The following CUX2 variants were observed in gnomAD, a reference collection of about 807,000 sequenced individuals.
The protein encoded by CUX2 is cut like homeobox 2.
In CUX2, 40 loss-of-function variants were observed where a neutral mutation model predicts 144.8. That is an observed-to-expected ratio of 0.28 (90% CI 0.21 to 0.36). CUX2 has a LOEUF of 0.36. Ranked by LOEUF, CUX2 falls within the 10% of genes least tolerant of loss-of-function variation. The pLI is 1.00. For synonymous variants in CUX2, 827 were observed against 875.6 expected, an observed-to-expected ratio of 0.94 and a Z score of 0.98; for missense variants, 1,615 against 1,994.0, an observed-to-expected ratio of 0.81 and a Z score of 3.62.
intron 1 of CUX2, among the ~76,000 whole-genome samples, chr12:111,105,813 A>G (rs1023548855): frequency 6.6e-6 from 1 of 152,082 alleles, no homozygotes; most frequent in Non-Finnish European, 1.5e-5. Flanking sequence ...GAATTTCTCT[A>G]ATGGTAATTC....
At chr12:111,177,083 G>C (rs1404539784) in intron 1 of CUX2, among the ~76,000 whole-genome samples, 3 of 152,148 alleles carry the variant, frequency 2.0e-5, no homozygotes, top group Non-Finnish European at 4.4e-5. Context: ...GAGAACCACT[G>C]TTCTAGAGTT....
intron 18 of CUX2, among the ~76,000 whole-genome samples, chr12:111,323,527 C>T (rs1384578849): frequency 6.6e-6 from 1 of 152,218 alleles, no homozygotes; most frequent in Non-Finnish European, 1.5e-5. Flanking sequence ...CATGGGGGCT[C>T]ACGCCTGTAA....
intron 1 of CUX2, among the ~76,000 whole-genome samples, chr12:111,127,995 GT>G (rs1592921753): frequency 1.3e-5 from 2 of 152,284 alleles, no homozygotes; most frequent in East Asian, 3.9e-4. Flanking sequence ...ACAATTCAAG[GT>G]GAGATTTGGG....
rs1429503343 is a variant in CUX2, at chr12:111,255,660, C to T, written c.223-8101C>T. On this transcript the variant is annotated intron_variant, in intron 3 of 21. Coordinates refer to ENST00000261726, the MANE Select transcript of CUX2 (RefSeq NM_015267.4). This position sits in a 1 kb window ranked among gnomAD's most constrained non-coding sequence, Gnocchi z 4.1. Reference sequence around the variant, plus strand: ...CATGTGGCCATCACCCTCTGTGCCTCGACATCTTCATCTGTTAAATGGGAT... The same window carrying T: ...CATGTGGCCATCACCCTCTGTGCCTTGACATCTTCATCTGTTAAATGGGAT... Among the ~76,000 whole-genome samples, 2 of 152,170 alleles carry T rather than the reference C, an allele frequency of 1.3e-5. No individual in the cohort carries two copies. The highest frequency in any genetic ancestry group is 2.9e-5 in the Non-Finnish European group (2 of 68,026).
At chr12:111,345,766 GA>G (rs1035606332) in intron 21 of CUX2, among the ~76,000 whole-genome samples, 159 of 142,840 alleles carry the variant, frequency 1.1e-3, no homozygotes, top group African/African-American at 3.7e-3. Flanking sequence ...TCACGAAAAA[GA>G]AAAAAAAAGG....
In CUX2 at chr12:111,304,220, C is replaced by T; in HGVS notation, c.764C>T (p.Ala255Val). 6.2e-7 allele frequency: 1 copy of T among 1,613,242 alleles called. No individual in the cohort carries two copies. Among genetic ancestry groups the T allele is most frequent in the South Asian group, 1.1e-5 (1 of 90,762 alleles). ...TCCCCTTCTCCCCAGCGAGCTGAGG[C>T]TGCCCAGCGGGAGGTGGAAAGTCTC... ...NLEKANQRAE[A>V]AQREVESLRE... The change falls in exon 10 of 22, where the codon GCT (alanine) becomes GTT (valine). Residue 255 changes from alanine to valine, a missense_variant. Physicochemically the swap from Ala to Val is moderately conservative, Grantham distance 64. Transcript: ENST00000261726. The surrounding 1 kb of genome is among the most constrained non-coding windows in gnomAD (Gnocchi z 4.7).
chr12:111,123,894 A>G (rs573546914), intron 1 of CUX2, among the ~76,000 whole-genome samples: 64 of 152,346 alleles, frequency 4.2e-4, no homozygotes, highest in African/African-American at 1.4e-3. Context: ...CCTTGTATTA[A>G]TAAGGAAACA....
At chr12:111,095,702 C>T (rs1228835881) in intron 1 of CUX2, among the ~76,000 whole-genome samples, 2 of 152,180 alleles carry the variant, frequency 1.3e-5, no homozygotes, top group Non-Finnish European at 2.9e-5. Context: ...AGGTGAAGGA[C>T]TCAGTGTGTG....
At position 111,295,451 on chromosome 12, in the gene CUX2, G is replaced by C. The variant is rs1885922243; in HGVS notation, c.637+42G>C. On this transcript the variant is annotated intron_variant, in intron 7 of 21. Coordinates refer to ENST00000261726, the MANE Select transcript of CUX2 (RefSeq NM_015267.4). The surrounding 1 kb of genome is among the most constrained non-coding windows in gnomAD (Gnocchi z 5.0). ...TGTGGCCTAGAGGGAGGACTGGGAG[G>C]GGACGGTAATGCTGTCAACGAGGGG... 6.4e-7 allele frequency: 1 copy of C among 1,572,962 alleles called. No homozygotes were observed. The highest frequency in any genetic ancestry group is 1.8e-5 in the Admixed American group (1 of 55,414).
At position 111,240,813 on chromosome 12, in the gene CUX2, C is replaced by G. The variant is rs569844477; in HGVS notation, c.222+22876C>G. On this transcript the variant is annotated intron_variant, in intron 3 of 21. Coordinates refer to ENST00000261726, the MANE Select transcript of CUX2 (RefSeq NM_015267.4). The stretch of plus-strand genomic sequence containing the variant: ...TCCTGAAGACATTTGGGTTTTTGCT[C>G]TCTGGAGGAATGGTGGAGTGATTCT... Among the ~76,000 whole-genome samples, 8 of 152,282 alleles carry G rather than the reference C, an allele frequency of 5.3e-5. No homozygotes were observed. In the South Asian group the frequency reaches 1.0e-3, roughly 20 times the overall value.
chr12:111,276,600 T>C (rs527629652), intron 4 of CUX2, among the ~76,000 whole-genome samples: 2 of 152,220 alleles, frequency 1.3e-5, no homozygotes, highest in South Asian at 2.1e-4. Flanking sequence ...AGGGGGGTGA[T>C]AGTGATAGCT....
chr12:111,237,275 G>T (rs1882804017), intron 3 of CUX2, among the ~76,000 whole-genome samples: 1 of 152,242 alleles, frequency 6.6e-6, no homozygotes, highest in South Asian at 2.1e-4. Flanking sequence ...GTAGCGAGCT[G>T]CTGTGCCAGG....
At chr12:111,112,936 G>C (rs557130348) in intron 1 of CUX2, among the ~76,000 whole-genome samples, 1 of 152,350 alleles carries the variant, frequency 6.6e-6, no homozygotes, top group East Asian at 1.9e-4. Context: ...CTGAGCCTCA[G>C]TGCTTGGCAC....
At chr12:111,226,196 G>A (rs999251022) in intron 3 of CUX2, among the ~76,000 whole-genome samples, 1 of 152,090 alleles carries the variant, frequency 6.6e-6, no homozygotes, top group Non-Finnish European at 1.5e-5. Flanking sequence ...CTCCTGCCTC[G>A]GCCTCCCAAA....
rs1876925453 is a variant in CUX2 at position 111,149,878 on chromosome 12, T to A, written c.64-64322T>A. 2.0e-5 allele frequency among the ~76,000 whole-genome samples: 3 copies of A among 152,326 alleles called. No homozygotes were observed. The South Asian group carries it at 6.2e-4, about 32-fold the overall frequency. On this transcript the variant is annotated intron_variant, in intron 1 of 21. Coordinates refer to ENST00000261726, the MANE Select transcript of CUX2 (RefSeq NM_015267.4). ...TACTTGTAGCCTGAACAGTTTTTCA[T>A]TTGGAAATTGGTTTATTTTGCTACA... is the stretch of plus-strand genomic sequence containing the variant.
At position 111,084,838 on chromosome 12, in the gene CUX2, C is replaced by T. The variant is rs1872113103; in HGVS notation, c.63+50598C>T. On this transcript the variant is annotated intron_variant, in intron 1 of 21. Transcript: ENST00000261726. ...CCCGCTGTACCTGCTCTCACTCGGG[C>T]TCCGGGGTGCCCACCTTCTGGAGAG... Among the ~76,000 whole-genome samples, 3 of 152,000 alleles carry T rather than the reference C, an allele frequency of 2.0e-5. No individual in the cohort carries two copies. In the South Asian group the frequency reaches 6.2e-4, roughly 32 times the overall value.
At chr12:111,146,266 G>A (rs762151169) in intron 1 of CUX2, among the ~76,000 whole-genome samples, 3 of 152,168 alleles carry the variant, frequency 2.0e-5, no homozygotes, top group Admixed American at 2.0e-4. Context: ...ACAAATGTAT[G>A]ACGACGTGGC....
At chr12:111,138,630 A>G (rs1025996564) in intron 1 of CUX2, among the ~76,000 whole-genome samples, 1 of 152,058 alleles carries the variant, frequency 6.6e-6, no homozygotes, top group African/African-American at 2.4e-5. Context: ...ATTGAATGCT[A>G]GGAAGGAGAG....
intron 18 of CUX2, among the ~76,000 whole-genome samples, chr12:111,329,501 C>G (rs967560525): frequency 2.1e-4 from 32 of 152,258 alleles, no homozygotes; most frequent in South Asian, 8.3e-4. Flanking sequence ...TGGGGGGTGG[C>G]TGTGTTCTTT....
Sources: gnomAD v4.1 joint callset for allele counts (sites outside exome capture counted in the v4.1 genomes callset) on GRCh38, gnomAD v4.1.1 for gene constraint, Gnocchi (gnomAD v3.1) non-coding constraint, MANE v1.5 for transcripts, NCBI Gene and HGNC (gene_info 2026-07-23, HGNC 2026-07-21) for gene names.